GRM8: variants seen among roughly 807,000 people sequenced by gnomAD.
The protein encoded by GRM8 is glutamate metabotropic receptor 8, also known as metabotropic glutamate receptor 8.
In GRM8, 47 loss-of-function variants were observed where a neutral mutation model predicts 87.2. The ratio of observed to expected loss-of-function variants is 0.54; its 90% confidence interval spans 0.43 to 0.69. GRM8 has a LOEUF of 0.69. Among genes scored for constraint, GRM8 ranks in the 30% least tolerant of loss-of-function variants. The pLI, the probability that GRM8 is intolerant of heterozygous loss-of-function variation, is 0.00. For missense variants in GRM8, 1,019 were observed against 1,139.2 expected, an observed-to-expected ratio of 0.89 and a Z score of 1.52; for synonymous variants, 396 against 404.5, an observed-to-expected ratio of 0.98 and a Z score of 0.25.
At chr7:126,677,617 G>A (rs930479272) in intron 7 of GRM8, among the ~76,000 whole-genome samples, 1 of 152,084 alleles carries the variant, frequency 6.6e-6, no homozygotes, top group Non-Finnish European at 1.5e-5. Flanking sequence ...AATACCACGT[G>A]TTCTTATTTA....
At chr7:127,056,306 T>A (rs991981013) in intron 3 of GRM8, among the ~76,000 whole-genome samples, 2 of 152,130 alleles carry the variant, frequency 1.3e-5, no homozygotes, top group East Asian at 3.9e-4. Context: ...AAGTAAGTAG[T>A]CCAAAACTAA....
chr7:126,577,208 A>G (rs62479325), intron 8 of GRM8, among the ~76,000 whole-genome samples: 46,947 of 152,076 alleles, frequency 0.31, 8,125 homozygotes, highest in East Asian at 0.44. Flanking sequence ...CATGGGTGCC[A>G]CATCTCCTTC....
At chr7:126,600,511 G>C (rs1797633676) in intron 8 of GRM8, among the ~76,000 whole-genome samples, 1 of 152,128 alleles carries the variant, frequency 6.6e-6, no homozygotes, top group Admixed American at 6.6e-5. Context: ...CTATCATCCT[G>C]CCTGGCAGGG....
At chr7:126,815,512 T>G (rs1563213539) in intron 6 of GRM8, among the ~76,000 whole-genome samples, 1 of 152,144 alleles carries the variant, frequency 6.6e-6, no homozygotes, top group Non-Finnish European at 1.5e-5. Flanking sequence ...TAGTAATGCA[T>G]AATATCATTG....
chr7:126,624,600 A>G (rs557629554), intron 7 of GRM8, among the ~76,000 whole-genome samples: 14 of 152,364 alleles, frequency 9.2e-5, no homozygotes, highest in Non-Finnish European at 2.1e-4. Flanking sequence ...TATTTCTATC[A>G]CATTCTCCAC....
chr7:126,486,007 A>G (rs748067326), intron 9 of GRM8, among the ~76,000 whole-genome samples: 4 of 152,018 alleles, frequency 2.6e-5, no homozygotes, highest in Non-Finnish European at 5.9e-5. Flanking sequence ...AATAAACTCT[A>G]TTATAACTGC....
chr7:126,588,329 T>G (rs1234097283), intron 8 of GRM8, among the ~76,000 whole-genome samples: 1 of 152,180 alleles, frequency 6.6e-6, no homozygotes, highest in Non-Finnish European at 1.5e-5. Context: ...TTGATTTGCC[T>G]TTCTCTGATG....
At chr7:126,737,112 T>A (rs1038018642) in intron 7 of GRM8, among the ~76,000 whole-genome samples, 1 of 152,088 alleles carries the variant, frequency 6.6e-6, no homozygotes. Context: ...TTAGAAATTA[T>A]GGTTTAGGAA....
intron 6 of GRM8, among the ~76,000 whole-genome samples, chr7:126,780,433 ATAT>A (rs144496616): frequency 0.011 from 1,697 of 152,284 alleles, 33 homozygotes; most frequent in African/African-American, 0.038. Context: ...ACATAAGATG[ATAT>A]TATTATTATC....
chr7:126,643,730 C>T (rs1479588063), intron 7 of GRM8, among the ~76,000 whole-genome samples: 1 of 152,158 alleles, frequency 6.6e-6, no homozygotes, highest in Non-Finnish European at 1.5e-5. Context: ...GTATCTACTT[C>T]TATTATGGAA....
At chr7:126,800,778 C>G (rs887202130) in intron 6 of GRM8, among the ~76,000 whole-genome samples, 1 of 151,956 alleles carries the variant, frequency 6.6e-6, no homozygotes, top group Non-Finnish European at 1.5e-5. Flanking sequence ...ATTTCCCTGC[C>G]TTGAGAAAGA....
At chr7:126,872,835 C>T (rs1275135825) in intron 6 of GRM8, among the ~76,000 whole-genome samples, 3 of 152,072 alleles carry the variant, frequency 2.0e-5, no homozygotes, top group African/African-American at 4.8e-5. Flanking sequence ...CTCATTTGAG[C>T]CGCTCTTTAA....
At chr7:126,744,668 A>G (rs1487840458) in intron 7 of GRM8, among the ~76,000 whole-genome samples, 1 of 152,036 alleles carries the variant, frequency 6.6e-6, no homozygotes, top group Non-Finnish European at 1.5e-5. Flanking sequence ...AATCTTTATC[A>G]AACAATATTT....
chr7:126,819,099 A>G (rs1794057469), intron 6 of GRM8, among the ~76,000 whole-genome samples: 1 of 152,150 alleles, frequency 6.6e-6, no homozygotes, highest in Non-Finnish European at 1.5e-5. Flanking sequence ...CCCAGCCAGC[A>G]ATTGATCCTT....
intron 6 of GRM8, among the ~76,000 whole-genome samples, chr7:126,859,103 C>A (rs1414987303): frequency 6.6e-6 from 1 of 151,988 alleles, no homozygotes; most frequent in African/African-American, 2.4e-5. Context: ...CCCTACACAT[C>A]CCCACACCCC....
Position 126,533,267 on chromosome 7 carries a change from G to A in GRM8, c.2115C>T (p.Val705=), listed in dbSNP as rs1815144399. Reference sequence around the variant, plus strand: ...ACCAGACAAACACTCCAAGGAGCTGGACGGAGATGAGGCTGAAGGTGATCA... The same window carrying A: ...ACCAGACAAACACTCCAAGGAGCTGAACGGAGATGAGGCTGAAGGTGATCA... ...QLVITFSLIS[V]QLLGVFVWFV... Residue 705 remains valine (V), a synonymous_variant, in exon 9 of 11, where the codon GTC becomes GTT. Transcript: ENST00000339582. 6.2e-7 allele frequency: 1 copy of A among 1,613,756 alleles called. No individual in the cohort carries two copies. Among genetic ancestry groups the A allele is most frequent in the East Asian group, 2.2e-5 (1 of 44,816 alleles).
intron 3 of GRM8, among the ~76,000 whole-genome samples, chr7:127,097,822 T>C (rs1329860852): frequency 6.6e-6 from 1 of 152,258 alleles, no homozygotes; most frequent in Admixed American, 6.5e-5. Context: ...AGGTTGGTTC[T>C]ACTGCATCAA....
intron 9 of GRM8, among the ~76,000 whole-genome samples, chr7:126,507,751 T>C (rs1468826376): frequency 2.2e-4 from 34 of 152,056 alleles, no homozygotes; most frequent in Non-Finnish European, 4.3e-4. Context: ...CTGCTCTTAT[T>C]AACAATTCCT....
intron 9 of GRM8, among the ~76,000 whole-genome samples, chr7:126,449,244 C>T (rs1413647416): frequency 1.3e-5 from 2 of 151,744 alleles, no homozygotes; most frequent in Non-Finnish European, 2.9e-5. Context: ...CCAAACCAAC[C>T]TCCCAGGCTA....
Sources: gnomAD v4.1 joint callset for allele counts (sites outside exome capture counted in the v4.1 genomes callset) on GRCh38, gnomAD v4.1.1 for gene constraint, MANE v1.5 for transcripts, NCBI Gene and HGNC (gene_info 2026-07-23, HGNC 2026-07-21) for gene names.